Variants in UST observed in about 807,000 individuals in gnomAD.
The protein encoded by UST is chondroitin sulfate 2-O-sulfotransferase.
In UST, 21 loss-of-function variants were observed where a neutral mutation model predicts 45.6. That is an observed-to-expected ratio of 0.46 (90% CI 0.33 to 0.66). The LOEUF is 0.66. Ranked by LOEUF, UST falls within the 30% of genes least tolerant of loss-of-function variation. UST has a pLI of 0.02. For synonymous variants in UST, 215 were observed against 200.6 expected (o/e 1.07, Z -0.61); for missense variants, 463 against 512.4 (o/e 0.90, Z 0.93).
chr6:149,012,093 A>C (rs114505234), intron 5 of UST, among the ~76,000 whole-genome samples: 1,553 of 152,312 alleles, frequency 0.01, 25 homozygotes, highest in African/African-American at 0.035. Flanking sequence ...CAACAGGGAG[A>C]GCAACGTGCT....
intron 2 of UST, among the ~76,000 whole-genome samples, chr6:148,911,610 C>T (rs934300449): frequency 1.3e-5 from 2 of 151,758 alleles, no homozygotes; most frequent in Non-Finnish European, 2.9e-5. Context: ...AATCATTTGG[C>T]GTTGGAAAAT....
At chr6:148,931,211 C>T (rs1193839248) in intron 2 of UST, among the ~76,000 whole-genome samples, 1 of 152,176 alleles carries the variant, frequency 6.6e-6, no homozygotes, top group Admixed American at 6.6e-5. Flanking sequence ...CAATACTTCT[C>T]CTCTATTTGT....
intron 7 of UST, among the ~76,000 whole-genome samples, chr6:149,048,547 A>AT (rs976473989): frequency 6.6e-6 from 1 of 151,468 alleles, no homozygotes; most frequent in Non-Finnish European, 1.5e-5. Context: ...AAAAAAAAAA[A>AT]AGAGAGAGAG....
intron 7 of UST, chr6:149,066,141 T>A (rs530552835): frequency 1.3e-5 from 2 of 152,452 alleles, no homozygotes; most frequent in South Asian, 4.2e-4. Flanking sequence ...GGTTTCAAAA[T>A]GGAGTGTGTG....
intron 1 of UST, among the ~76,000 whole-genome samples, chr6:148,872,438 A>G (rs1175868360): frequency 1.4e-5 from 2 of 145,746 alleles, no homozygotes; most frequent in South Asian, 4.1e-4. Flanking sequence ...TCAGTTTATA[A>G]TTGAGAGTGA....
chr6:148,958,870 A>G (rs1259419952), intron 4 of UST: 1 of 152,224 alleles, frequency 6.6e-6, no homozygotes, highest in Non-Finnish European at 1.5e-5. Flanking sequence ...CTGTCAAAAT[A>G]GTCCAAATGC....
At chr6:149,017,355 G>C (rs1775918147) in intron 5 of UST, among the ~76,000 whole-genome samples, 1 of 151,116 alleles carries the variant, frequency 6.6e-6, no homozygotes, top group Admixed American at 6.6e-5. Flanking sequence ...CCAGCCTGGG[G>C]GACAGCAAGA....
intron 6 of UST, among the ~76,000 whole-genome samples, 171 bp downstream of exon 6, chr6:149,019,407 T>TATAAA (rs1775949149): frequency 6.6e-6 from 1 of 152,196 alleles, no homozygotes; most frequent in African/African-American, 2.4e-5. Flanking sequence ...CCAAATGTCC[T>TATAAA]ATAAATAATG....
chr6:148,980,993 G>T lies in UST; in HGVS notation c.681+16430G>T, dbSNP rs1397877766. On this transcript the variant is annotated intron_variant, in intron 5 of 7. Coordinates refer to ENST00000367463, the MANE Select transcript of UST (RefSeq NM_005715.3). ...TCCCACCTAGGCCTCCCAAAGTGCT[G>T]GGATTAAAGGCATGAGTCACCACAC... Among the ~76,000 whole-genome samples, 5 of 152,058 alleles carry T rather than the reference G, an allele frequency of 3.3e-5. No homozygotes were observed. The East Asian group carries it at 9.6e-4, about 29-fold the overall frequency.
chr6:149,073,076 C>T (rs1157093531), intron 7 of UST, among the ~76,000 whole-genome samples: 3 of 152,046 alleles, frequency 2.0e-5, no homozygotes, highest in Non-Finnish European at 2.9e-5. Context: ...TGTTATTAAG[C>T]ATTAGTATAA....
intron 1 of UST, among the ~76,000 whole-genome samples, chr6:148,761,118 A>C (rs1293472113): frequency 6.6e-6 from 1 of 152,228 alleles, no homozygotes; most frequent in Non-Finnish European, 1.5e-5. Flanking sequence ...GGAGTGCAAC[A>C]GAGCCTTACT....
At chr6:149,016,493 C>T (rs1775900888) in intron 5 of UST, among the ~76,000 whole-genome samples, 1 of 148,412 alleles carries the variant, frequency 6.7e-6, no homozygotes, top group Non-Finnish European at 1.5e-5. Flanking sequence ...CATTTATTCA[C>T]TCACTCATTC....
chr6:148,791,150 G>C (rs889646305), intron 1 of UST, among the ~76,000 whole-genome samples: 1 of 152,172 alleles, frequency 6.6e-6, no homozygotes, highest in Non-Finnish European at 1.5e-5. Context: ...GCATTGCCTG[G>C]GGACTTGAGA....
Position 148,968,039 on chromosome 6 carries a change from G to A in UST, c.681+3476G>A, listed in dbSNP as rs1404992252. ...AGGTGTGGGAACGGGCCTGGGATTC[G>A]GGGTGGGGTAAAGTCCCTGCCAGGA... On this transcript the variant is annotated intron_variant, in intron 5 of 7. Coordinates refer to ENST00000367463, the MANE Select transcript of UST (RefSeq NM_005715.3). 2.6e-5 allele frequency among the ~76,000 whole-genome samples: 4 copies of A among 152,178 alleles called. No individual in the cohort carries two copies. The South Asian group carries it at 6.2e-4, about 24-fold the overall frequency.
At chr6:148,877,004 GT>G (rs796492035) in intron 1 of UST, among the ~76,000 whole-genome samples, 31 of 37,068 alleles carry the variant, frequency 8.4e-4, no homozygotes, top group African/African-American at 4.9e-3. Context: ...TCATATATGA[GT>G]TGGGGGGGGT....
intron 1 of UST, among the ~76,000 whole-genome samples, chr6:148,840,616 A>T (rs1777870822): frequency 6.6e-6 from 1 of 152,204 alleles, no homozygotes; most frequent in Non-Finnish European, 1.5e-5. Context: ...ACGAAAAGTC[A>T]GCCCTCCGCA....
chr6:148,783,777 A>G (rs1458626363), intron 1 of UST, among the ~76,000 whole-genome samples: 1 of 152,092 alleles, frequency 6.6e-6, no homozygotes, highest in African/African-American at 2.4e-5. Flanking sequence ...CTAACCTTCT[A>G]ATTCCTAGTC....
intron 2 of UST, among the ~76,000 whole-genome samples, chr6:148,916,349 G>A (rs1247581204): frequency 4.6e-5 from 7 of 152,196 alleles, no homozygotes; most frequent in African/African-American, 2.4e-5. Flanking sequence ...TAGATCCACC[G>A]TAACACATAT....
chr6:148,769,897 T>A (rs911499286), intron 1 of UST, among the ~76,000 whole-genome samples: 1 of 152,078 alleles, frequency 6.6e-6, no homozygotes, highest in African/African-American at 2.4e-5. Context: ...GGAAAAGACC[T>A]TCTAAGATTA....
Sources: gnomAD v4.1 joint callset for allele counts (sites outside exome capture counted in the v4.1 genomes callset) on GRCh38, gnomAD v4.1.1 for gene constraint, MANE v1.5 for transcripts, NCBI Gene and HGNC (gene_info 2026-07-23, HGNC 2026-07-21) for gene names.